The following NOS1AP variants were observed in gnomAD, a reference collection of about 807,000 sequenced individuals.
NOS1AP encodes the protein carboxyl-terminal PDZ ligand of neuronal nitric oxide synthase protein.
Under a neutral mutation model 56.2 loss-of-function variants are expected in NOS1AP, and 21 were observed. The observed-to-expected ratio is 0.37, with a 90% CI of 0.26 to 0.54. The LOEUF (loss-of-function observed/expected upper bound fraction) is 0.54, where lower values mean the gene tolerates loss of function less well. NOS1AP is among the 20% of genes least tolerant of loss of function. The pLI is 0.84. For missense variants in NOS1AP, 522 were observed against 657.8 expected (o/e 0.79, Z 2.26); for synonymous variants, 270 against 274.6 (o/e 0.98, Z 0.17).
At chr1:162,326,844 G>C (rs1238441375) in intron 4 of NOS1AP, among the ~76,000 whole-genome samples, 2 of 152,234 alleles carry the variant, frequency 1.3e-5, no homozygotes, top group Non-Finnish European at 2.9e-5. Flanking sequence ...TGATGACAGA[G>C]TAAGATGAGG....
chr1:162,304,989 TG>T (rs540152663), intron 4 of NOS1AP, among the ~76,000 whole-genome samples: 54 of 152,346 alleles, frequency 3.5e-4, no homozygotes, highest in African/African-American at 1.2e-3. Context: ...CAATTGTTTG[TG>T]GCTTTATGAA....
At position 162,091,183 on chromosome 1, in the gene NOS1AP, A is replaced by G. The variant is rs539400505; in HGVS notation, c.105+20901A>G. 3.3e-5 allele frequency among the ~76,000 whole-genome samples: 5 copies of G among 151,454 alleles called. No individual in the cohort carries two copies. The East Asian group carries it at 9.7e-4, about 29-fold the overall frequency. On this transcript the variant is annotated intron_variant, in intron 1 of 9. Transcript: ENST00000361897. ...GCTTCATTTTGATTCTGTTCCCAGC[A>G]GTTTCTCTTGGTGTGGAGTCCTGTC...
At chr1:162,300,527 A>G (rs1655615091) in intron 3 of NOS1AP, 106 bp from the exon 4 acceptor site, 1 of 976,780 alleles carries the variant, frequency 1.0e-6, no homozygotes, top group East Asian at 2.4e-5. Flanking sequence ...TCTTAGAGGG[A>G]AAAAGTCAGG....
chr1:162,075,305 G>A (rs1410112448), intron 1 of NOS1AP, among the ~76,000 whole-genome samples: 1 of 152,204 alleles, frequency 6.6e-6, no homozygotes, highest in African/African-American at 2.4e-5. Flanking sequence ...TATCATTGCT[G>A]AGTGATTTTG....
chr1:162,070,164 C>T lies in NOS1AP; in HGVS notation c.-14C>T, dbSNP rs745877151. The T allele has an allele frequency of 6.8e-6, 11 of 1,609,998 alleles. No homozygotes were observed. In the African/African-American group the frequency reaches 1.2e-4, roughly 18 times the overall value. ...GCCGCCGCCTCCGAAGGAGCGGGTC[C>T]GCCGCGGGTAACCATGCCTAGCAAA... is the stretch of plus-strand genomic sequence containing the variant. On this transcript the variant is annotated 5_prime_UTR_variant, in exon 1 of 10. Transcript: ENST00000361897.
intron 2 of NOS1AP, among the ~76,000 whole-genome samples, chr1:162,156,140 T>A (rs1274718266): frequency 5.9e-5 from 9 of 152,208 alleles, no homozygotes; most frequent in Non-Finnish European, 1.2e-4. Context: ...AGCATTTTTT[T>A]ATTGTTAAAT....
chr1:162,361,349 C>T (rs1359968907), intron 8 of NOS1AP, among the ~76,000 whole-genome samples: 1 of 152,144 alleles, frequency 6.6e-6, no homozygotes. Context: ...GGAAACAAAG[C>T]ACAGAGGGCT....
At chr1:162,116,934 G>T (rs1233926462) in intron 1 of NOS1AP, among the ~76,000 whole-genome samples, 2 of 152,184 alleles carry the variant, frequency 1.3e-5, no homozygotes, top group Non-Finnish European at 2.9e-5. Context: ...GGGGGGGCTG[G>T]AGGGTACTCA....
At chr1:162,134,133 T>C (rs1437968109) in intron 1 of NOS1AP, among the ~76,000 whole-genome samples, 3 of 152,198 alleles carry the variant, frequency 2.0e-5, no homozygotes, top group Non-Finnish European at 4.4e-5. Flanking sequence ...ACACTATTTA[T>C]GCTAAATTCA....
At chr1:162,329,321 A>G (rs986617522) in intron 4 of NOS1AP, among the ~76,000 whole-genome samples, 2 of 152,016 alleles carry the variant, frequency 1.3e-5, no homozygotes, top group African/African-American at 4.8e-5. Flanking sequence ...TGAACCTGGG[A>G]GGCAGAGGTT....
intron 1 of NOS1AP, among the ~76,000 whole-genome samples, chr1:162,152,565 A>G (rs1649762971): frequency 6.6e-6 from 1 of 152,224 alleles, no homozygotes; most frequent in African/African-American, 2.4e-5. Context: ...AAATCTGGCC[A>G]CGCTATCAGA....
intron 2 of NOS1AP, among the ~76,000 whole-genome samples, chr1:162,271,529 C>T (rs1472969112): frequency 3.3e-5 from 5 of 152,136 alleles, no homozygotes; most frequent in Non-Finnish European, 5.9e-5. Flanking sequence ...AATATCCCAG[C>T]ATTAATATTA....
intron 2 of NOS1AP, among the ~76,000 whole-genome samples, chr1:162,164,016 T>C (rs1041350111): frequency 6.6e-6 from 1 of 152,086 alleles, no homozygotes; most frequent in African/African-American, 2.4e-5. Context: ...GAGCCAGGAG[T>C]TGTTGTCAAA....
chr1:162,264,967 C>G (rs1469804945), intron 2 of NOS1AP, among the ~76,000 whole-genome samples: 1 of 152,120 alleles, frequency 6.6e-6, no homozygotes, highest in East Asian at 2.0e-4. Flanking sequence ...GCATGCACCG[C>G]TACCGCCTGG....
intron 6 of NOS1AP, among the ~76,000 whole-genome samples, chr1:162,347,079 T>C (rs1657319834): frequency 6.6e-6 from 1 of 152,232 alleles, no homozygotes; most frequent in African/African-American, 2.4e-5. Context: ...CAGTTTCCTA[T>C]AACTAATATG....
intron 2 of NOS1AP, among the ~76,000 whole-genome samples, chr1:162,155,454 TATAGAG>T (rs1296277279): frequency 4.2e-5 from 6 of 143,946 alleles, no homozygotes; most frequent in South Asian, 2.2e-4. Flanking sequence ...TATATATATA[TATAGAG>T]AGAGAGAGAG....
chr1:162,086,772 G>A (rs1013313706), intron 1 of NOS1AP, among the ~76,000 whole-genome samples: 1 of 152,156 alleles, frequency 6.6e-6, no homozygotes, highest in Non-Finnish European at 1.5e-5. Flanking sequence ...GATGTTTAAT[G>A]ACTTTCCCCT....
chr1:162,234,623 C>T (rs1292193550), intron 2 of NOS1AP, among the ~76,000 whole-genome samples: 3 of 152,088 alleles, frequency 2.0e-5, no homozygotes, highest in African/African-American at 7.2e-5. Context: ...CCATCCTTCC[C>T]AACTCACTCC....
chr1:162,118,061 A>G (rs1049444954), intron 1 of NOS1AP, among the ~76,000 whole-genome samples: 3 of 152,392 alleles, frequency 2.0e-5, no homozygotes, highest in African/African-American at 4.8e-5. Flanking sequence ...AGATAAAAAG[A>G]TTATGAAATG....
Sources: allele counts gnomAD v4.1 joint callset (sites outside exome capture counted in the v4.1 genomes callset), GRCh38; gene constraint gnomAD v4.1.1; transcripts MANE v1.5; gene names NCBI Gene and HGNC (gene_info 2026-07-23, HGNC 2026-07-21).